MAPK10: variants seen among roughly 807,000 people sequenced by gnomAD.
MAPK10 encodes mitogen-activated protein kinase 10.
A neutral mutation model predicts 59.3 loss-of-function variants in MAPK10; 25 were observed. The ratio of observed to expected loss-of-function variants is 0.42; its 90% confidence interval spans 0.31 to 0.59. The LOEUF is 0.59. Among genes scored for constraint, MAPK10 ranks in the 20% least tolerant of loss-of-function variants. The pLI is 0.15. For missense variants in MAPK10, 351 were observed against 568.9 expected, an observed-to-expected ratio of 0.62 and a Z score of 3.90; for synonymous variants, 190 against 200.5, an observed-to-expected ratio of 0.95 and a Z score of 0.44.
chr4:86,101,079 T>C lies in MAPK10; in HGVS notation c.703A>G (p.Ile235Val). 9 of 1,613,920 alleles carry C rather than the reference T, an allele frequency of 5.6e-6. No individual in the cohort carries two copies. Among genetic ancestry groups the C allele is most frequent in the Non-Finnish European group, 7.6e-6 (9 of 1,179,856 alleles). ...TTCTCCTTGTAGCCCATCCCCAGGA[T>C]GACCTCAGGGGCTCTGTAATAACGT... ...VTRYYRAPEV[I>V]LGMGYKENVD... The change falls in exon 8 of 14, where the codon ATC (isoleucine) becomes GTC (valine). Residue 235 changes from isoleucine to valine, a missense_variant. Physicochemically the swap from Ile to Val is conservative, Grantham distance 29 (BLOSUM62 3). This residue lies in a region of MAPK10 where 76 missense variants were observed against 197.9 expected (regional missense o/e 0.38). Transcript: ENST00000641462.
chr4:86,515,081 T>C (rs1756554186), intron 1 of MAPK10, among the ~76,000 whole-genome samples: 1 of 152,214 alleles, frequency 6.6e-6, no homozygotes. Context: ...TTCTCACTTA[T>C]AAGTGAGAAC....
At chr4:86,205,087 T>C (rs1009778453) in intron 2 of MAPK10, among the ~76,000 whole-genome samples, 16 of 151,964 alleles carry the variant, frequency 1.1e-4, no homozygotes, top group African/African-American at 2.7e-4. Flanking sequence ...AGCTATAAGC[T>C]ATCATGACTA....
At chr4:86,068,934 T>A (rs2047244292) in intron 9 of MAPK10, among the ~76,000 whole-genome samples, 1 of 152,144 alleles carries the variant, frequency 6.6e-6, no homozygotes, top group Non-Finnish European at 1.5e-5. Context: ...ATAATAGAGA[T>A]CTTGGAAATT....
intron 2 of MAPK10, among the ~76,000 whole-genome samples, chr4:86,339,584 G>T (rs1294236512): frequency 6.6e-6 from 1 of 152,132 alleles, no homozygotes; most frequent in Non-Finnish European, 1.5e-5. Flanking sequence ...CTTTATTGTT[G>T]TAGAGCATAA....
chr4:86,413,269 C>T (rs1025444753), intron 1 of MAPK10, among the ~76,000 whole-genome samples: 1 of 152,160 alleles, frequency 6.6e-6, no homozygotes, highest in Non-Finnish European at 1.5e-5. Flanking sequence ...CCTGATCCTT[C>T]CTCTGGAATC....
chr4:86,380,255 C>A (rs181936277), intron 1 of MAPK10, among the ~76,000 whole-genome samples: 1,764 of 151,906 alleles, frequency 0.012, 19 homozygotes, highest in Non-Finnish European at 0.016. Context: ...ACAAAAAAAA[C>A]CCCCCCAAAA....
intron 2 of MAPK10, among the ~76,000 whole-genome samples, chr4:86,212,271 A>T (rs892038184): frequency 6.6e-6 from 1 of 152,096 alleles, no homozygotes; most frequent in African/African-American, 2.4e-5. Flanking sequence ...TGCATCTAGC[A>T]CTTTGGGAGG....
chr4:86,107,441 T>C, intron 4 of MAPK10, 89 bp from the exon 5 acceptor site: 1 of 1,505,632 alleles, frequency 6.6e-7, no homozygotes, highest in Non-Finnish European at 8.8e-7. Context: ...GTAAAGAAAA[T>C]GCTATTTCGG....
At chr4:86,028,946 T>C in intron 13 of MAPK10, 1 of 503,730 alleles carries the variant, frequency 2.0e-6, no homozygotes, top group Non-Finnish European at 3.6e-6. Flanking sequence ...TAACATTTTC[T>C]TCAGGATTCA....
intron 1 of MAPK10, among the ~76,000 whole-genome samples, chr4:86,445,421 G>A (rs1321170060): frequency 6.6e-6 from 1 of 152,116 alleles, no homozygotes; most frequent in African/African-American, 2.4e-5. Flanking sequence ...GCCTGTCATG[G>A]GGAGGGAGAG....
chr4:86,323,703 A>G (rs1298159759), intron 2 of MAPK10, among the ~76,000 whole-genome samples: 1 of 152,192 alleles, frequency 6.6e-6, no homozygotes, highest in Non-Finnish European at 1.5e-5. Context: ...CAATATAATA[A>G]TAGCATTATC....
At chr4:86,140,686 TA>T (rs1306322079) in intron 4 of MAPK10, among the ~76,000 whole-genome samples, 2,833 of 145,730 alleles carry the variant, frequency 0.019, 79 homozygotes, top group African/African-American at 0.063. Flanking sequence ...AGTATAATAA[TA>T]AAAAAAAAAA....
intron 1 of MAPK10, among the ~76,000 whole-genome samples, chr4:86,460,044 C>T (rs1457598286): frequency 6.6e-6 from 1 of 152,092 alleles, no homozygotes; most frequent in Non-Finnish European, 1.5e-5. Context: ...ATATTTTTGT[C>T]AATCAGGTTA....
intron 1 of MAPK10, among the ~76,000 whole-genome samples, chr4:86,488,092 G>A (rs997580978): frequency 2.6e-5 from 4 of 152,190 alleles, no homozygotes; most frequent in South Asian, 2.1e-4. Context: ...TCCACTTGCC[G>A]TCTTAATTCA....
chr4:86,567,038 G>A (rs1213171589), intron 1 of MAPK10, among the ~76,000 whole-genome samples: 4 of 152,156 alleles, frequency 2.6e-5, no homozygotes, highest in Non-Finnish European at 2.9e-5. Context: ...TCCAGCCTGG[G>A]TGGCAGAATG....
chr4:86,153,058 T>A (rs1263035725), intron 4 of MAPK10, among the ~76,000 whole-genome samples: 1 of 152,140 alleles, frequency 6.6e-6, no homozygotes, highest in Non-Finnish European at 1.5e-5. Context: ...TCAGGATTAA[T>A]CTGAAAAAAT....
At chr4:86,292,370 A>G (rs2148823759) in intron 2 of MAPK10, among the ~76,000 whole-genome samples, 1 of 152,308 alleles carries the variant, frequency 6.6e-6, no homozygotes, top group African/African-American at 2.4e-5. Flanking sequence ...ATGTGTAGGA[A>G]GAAAAAACAT....
intron 2 of MAPK10, among the ~76,000 whole-genome samples, chr4:86,246,482 A>T (rs988353915): frequency 6.6e-6 from 1 of 152,126 alleles, no homozygotes; most frequent in Admixed American, 6.5e-5. Flanking sequence ...TAAAACAAAA[A>T]CTTATATAAT....
At chr4:86,180,641 T>C (rs1170730446) in intron 3 of MAPK10, among the ~76,000 whole-genome samples, 1 of 151,992 alleles carries the variant, frequency 6.6e-6, no homozygotes, top group Non-Finnish European at 1.5e-5. Context: ...ATTAGGTATA[T>C]ACACTCAATG....
Sources: allele counts gnomAD v4.1 joint callset (sites outside exome capture counted in the v4.1 genomes callset), GRCh38; gene constraint gnomAD v4.1.1; regional missense constraint gnomAD v4.1.1; transcripts MANE v1.5; gene names NCBI Gene and HGNC (gene_info 2026-07-23, HGNC 2026-07-21).